The following KPNA6 variants were observed in gnomAD, a reference collection of about 807,000 sequenced individuals.
KPNA6 encodes karyopherin subunit alpha 6, also known as importin subunit alpha-7.
A neutral mutation model predicts 72.0 loss-of-function variants in KPNA6; 9 were observed. The observed-to-expected ratio is 0.13, with a 90% confidence interval of 0.08 to 0.22. The LOEUF (loss-of-function observed/expected upper bound fraction) is 0.22, where lower values mean the gene tolerates loss of function less well. Ranked by LOEUF, KPNA6 falls within the 10% of genes least tolerant of loss-of-function variation. KPNA6 has a pLI of 1.00. For synonymous variants in KPNA6, 219 were observed against 242.1 expected, an observed-to-expected ratio of 0.90 and a Z score of 0.89; for missense variants, 374 against 655.7, an observed-to-expected ratio of 0.57 and a Z score of 4.69.
rs561121519 is a variant in KPNA6 at position 32,169,643 on chromosome 1, G to A, written c.1245-239G>A. On this transcript the variant is annotated intron_variant, in intron 12 of 13. Coordinates refer to ENST00000373625, the MANE Select transcript of KPNA6 (RefSeq NM_012316.5). ...TTTTTTTTTTTTGTATTTTTTTTTA[G>A]TAGAGACGGGGTTTCACCATGTTAG... Among the ~76,000 whole-genome samples, 12 of 139,844 alleles carry A rather than the reference G, an allele frequency of 8.6e-5. No homozygotes were observed. The East Asian group carries it at 2.4e-3, about 28-fold the overall frequency. 91.7% of individuals were successfully genotyped at this position (139,844 alleles called of 152,430 possible).
intron 1 of KPNA6, among the ~76,000 whole-genome samples, chr1:32,109,717 C>A (rs902767446): frequency 6.7e-6 from 1 of 150,172 alleles, no homozygotes; most frequent in Admixed American, 6.7e-5. Context: ...GATCTCGGCT[C>A]ACTGCAACTA....
chr1:32,150,011 C>G (rs769887415), intron 1 of KPNA6, among the ~76,000 whole-genome samples: 2 of 151,456 alleles, frequency 1.3e-5, no homozygotes, highest in East Asian at 3.9e-4. Flanking sequence ...TTTTATCTAT[C>G]GCTGCTTTTC....
chr1:32,138,398 C>T (rs1328423415), intron 1 of KPNA6, among the ~76,000 whole-genome samples: 1 of 151,834 alleles, frequency 6.6e-6, no homozygotes, highest in African/African-American at 2.4e-5. Context: ...ACAAAATTAG[C>T]CGGGCGTGGT....
chr1:32,167,281 C>T lies in KPNA6; in HGVS notation c.1229C>T (p.Thr410Ile), dbSNP rs1642357260. The T allele has an allele frequency of 1.2e-6, 2 of 1,614,048 alleles. No homozygotes were observed. The highest frequency in any genetic ancestry group is 1.7e-6 in the Non-Finnish European group (2 of 1,179,972). ...ATCACCAATGCCACATCAGGAGGAA[C>T]CCCTGAGCAGATCAGGTATTACATT... Reference protein sequence around the residue: ...WAITNATSGGTPEQIRYLVSL... With the variant: ...WAITNATSGGIPEQIRYLVSL... The change falls in exon 12 of 14, where the codon ACC becomes ATC. Residue 410 changes from threonine (T) to isoleucine (I), a missense_variant. Physicochemically the swap from Thr to Ile is moderately conservative, Grantham distance 89. Transcript: ENST00000373625.
intron 1 of KPNA6, among the ~76,000 whole-genome samples, chr1:32,118,701 A>G (rs1336121735): frequency 3.3e-5 from 5 of 151,972 alleles, no homozygotes; most frequent in African/African-American, 1.2e-4. Context: ...CTGAGACAGA[A>G]GGATCGTTTG....
chr1:32,147,849 G>A lies in KPNA6; in HGVS notation c.5-6739G>A, dbSNP rs1226655549. Among the ~76,000 whole-genome samples, 5 of 150,522 alleles carry A rather than the reference G, an allele frequency of 3.3e-5. No homozygotes were observed. In the East Asian group the frequency reaches 7.9e-4, roughly 24 times the overall value. ...TAATTTTTGTACTTTTTGTAGAGAC[G>A]GGGTTTTGCCATGTTGCCCAGGCTG... On this transcript the variant is annotated intron_variant, in intron 1 of 13. Coordinates refer to ENST00000373625, the MANE Select transcript of KPNA6 (RefSeq NM_012316.5).
Position 32,171,197 on chromosome 1 carries a change from G to A in KPNA6, c.*303G>A, listed in dbSNP as rs1642430945. The A allele has an allele frequency of 6.0e-6, 2 of 332,628 alleles. No homozygotes were observed. The highest frequency in any genetic ancestry group is 9.8e-5 in the East Asian group (2 of 20,310). 20.6% of individuals were successfully genotyped at this position (332,628 alleles called of 1,614,324 possible). On this transcript the variant is annotated 3_prime_UTR_variant, in exon 14 of 14. Transcript: ENST00000373625. The stretch of plus-strand genomic sequence containing the variant: ...CCCAGGAGCCCAGGGGTAGACAAAG[G>A]AGGACTAAGGTAATCAATTTGCACC...
intron 1 of KPNA6, among the ~76,000 whole-genome samples, chr1:32,127,470 A>T (rs565640365): frequency 1.3e-5 from 2 of 152,340 alleles, no homozygotes; most frequent in South Asian, 4.1e-4. Flanking sequence ...CAGGTTAGAG[A>T]AATCCCTGTT....
intron 1 of KPNA6, among the ~76,000 whole-genome samples, chr1:32,109,635 C>T (rs1335614462): frequency 6.7e-6 from 1 of 149,290 alleles, no homozygotes. Context: ...GCATGTGGGC[C>T]CATTATGAAA....
At chr1:32,128,489 T>G (rs1182347809) in intron 1 of KPNA6, among the ~76,000 whole-genome samples, 2 of 147,888 alleles carry the variant, frequency 1.4e-5, no homozygotes, top group Non-Finnish European at 3.0e-5. Context: ...GCTTTGGATA[T>G]ATAGTCATGT....
intron 10 of KPNA6, among the ~76,000 whole-genome samples, chr1:32,163,818 G>A (rs1642284745): frequency 6.6e-6 from 1 of 152,152 alleles, no homozygotes; most frequent in Admixed American, 6.5e-5. Flanking sequence ...TAATTCTGTG[G>A]GATTCTGGAC....
intron 1 of KPNA6, among the ~76,000 whole-genome samples, chr1:32,117,176 T>TG (rs1239283439): frequency 6.6e-6 from 1 of 151,968 alleles, no homozygotes; most frequent in African/African-American, 2.4e-5. Context: ...TTGTTTTTTT[T>TG]TGTTTTTTTT....
intron 1 of KPNA6, among the ~76,000 whole-genome samples, chr1:32,153,571 C>CA (rs554895996): frequency 0.038 from 2,306 of 60,196 alleles, 42 homozygotes; most frequent in African/African-American, 0.067. Flanking sequence ...AACTCTGTCT[C>CA]AAAAAAAAAA....
At chr1:32,157,556 A>G in intron 4 of KPNA6, 111 bp downstream of exon 4, 1 of 726,292 alleles carries the variant, frequency 1.4e-6, no homozygotes, top group Non-Finnish European at 2.4e-6. Flanking sequence ...AGCCCTACTG[A>G]CCTTGGTGTT....
At chr1:32,159,714 G>C (rs1401924494) in intron 6 of KPNA6, among the ~76,000 whole-genome samples, 183 bp downstream of exon 6, 3 of 152,134 alleles carry the variant, frequency 2.0e-5, no homozygotes, top group Non-Finnish European at 4.4e-5. Flanking sequence ...CAGTCTTGTG[G>C]GACTAACCTG....
At chr1:32,152,344 A>G in intron 1 of KPNA6, among the ~76,000 whole-genome samples, 1 of 152,138 alleles carries the variant, frequency 6.6e-6, no homozygotes, top group Non-Finnish European at 1.5e-5. Context: ...TAATGAATAA[A>G]TAAAGAACAA....
chr1:32,162,441 T>G lies in KPNA6; in HGVS notation c.828T>G (p.Leu276=). 1 of 1,614,042 alleles carries G rather than the reference T, an allele frequency of 6.2e-7. No individual in the cohort carries two copies. The highest frequency in any genetic ancestry group is 8.5e-7 in the Non-Finnish European group (1 of 1,179,978). ...TGCTGGCAGATGCTTGCTGGGCCCTTTCTTATCTGTCTGATGGCCCCAATG... is the reference window on the plus strand; with the variant it reads ...TGCTGGCAGATGCTTGCTGGGCCCTGTCTTATCTGTCTGATGGCCCCAATG... ...SDLLADACWA[L]SYLSDGPNEK... Residue 276 remains leucine, a synonymous_variant, in exon 9 of 14, where the codon CTT becomes CTG. Coordinates refer to ENST00000373625, the MANE Select transcript of KPNA6 (RefSeq NM_012316.5).
Position 32,160,287 on chromosome 1 carries a change from G to C in KPNA6, c.559-328G>C, listed in dbSNP as rs1020073100. 4.2e-5 allele frequency among the ~76,000 whole-genome samples: 6 copies of C among 141,486 alleles called. No individual in the cohort carries two copies. The Admixed American group carries it at 4.5e-4, about 11-fold the overall frequency. 92.8% of individuals were successfully genotyped at this position (141,486 alleles called of 152,430 possible). A position where few individuals can be genotyped will look rare whatever the true frequency, so the allele number is the denominator to read the frequency against. ...TGCACTCCAGCCTGGGTGACAGAGC[G>C]AGACTCCGTCTCAAAAAAAAAAAAA... On this transcript the variant is annotated intron_variant, in intron 6 of 13. Coordinates refer to ENST00000373625, the MANE Select transcript of KPNA6 (RefSeq NM_012316.5).
chr1:32,159,396 T>G lies in KPNA6; in HGVS notation c.427-4T>G, dbSNP rs1285484191. On this transcript the variant is annotated splice_region_variant and splice_polypyrimidine_tract_variant and intron_variant, in intron 5 of 13. Coordinates refer to ENST00000373625, the MANE Select transcript of KPNA6 (RefSeq NM_012316.5). Reference sequence around the variant, plus strand: ...TTTCAATCATTGCTTAATCTCACTTTCAGTTTGAAGCTGCCTGGGCTCTAA... The same window carrying G: ...TTTCAATCATTGCTTAATCTCACTTGCAGTTTGAAGCTGCCTGGGCTCTAA... The G allele has an allele frequency of 6.2e-7, 1 of 1,613,768 alleles. No individual in the cohort carries two copies. Among genetic ancestry groups the G allele is most frequent in the East Asian group, 2.2e-5 (1 of 44,894 alleles).
Sources: gnomAD v4.1 joint callset for allele counts (sites outside exome capture counted in the v4.1 genomes callset) on GRCh38, gnomAD v4.1.1 for gene constraint, MANE v1.5 for transcripts, NCBI Gene and HGNC (gene_info 2026-07-23, HGNC 2026-07-21) for gene names.